The following XYLT1 variants were observed in gnomAD, a reference collection of about 807,000 sequenced individuals.
The protein encoded by XYLT1 is xylosyltransferase 1, also known as beta-D-xylosyltransferase 1.
A neutral mutation model predicts 91.3 loss-of-function variants in XYLT1; 36 were observed. The ratio of observed to expected loss-of-function variants is 0.39; its 90% CI spans 0.30 to 0.52. The LOEUF is 0.52. Ranked by LOEUF, XYLT1 falls within the 20% of genes least tolerant of loss-of-function variation. The probability of loss-of-function intolerance (pLI) is 0.68; values close to 1 mark genes in which losing one functional copy is unlikely to be tolerated. For missense variants in XYLT1, 1,242 were observed against 1,284.5 expected, an observed-to-expected ratio of 0.97 and a Z score of 0.51; for synonymous variants, 588 against 532.0, an observed-to-expected ratio of 1.11 and a Z score of -1.45.
chr16:17,245,754 C>T (rs1426183939), intron 3 of XYLT1, among the ~76,000 whole-genome samples: 1 of 152,202 alleles, frequency 6.6e-6, no homozygotes, highest in Non-Finnish European at 1.5e-5. Context: ...AATCCAATCT[C>T]TCATGGGTGA....
chr16:17,336,417 G>T lies in XYLT1; in HGVS notation c.402+21595C>A, dbSNP rs376215985. Among the ~76,000 whole-genome samples the T allele has an allele frequency of 4.3e-4, 66 of 152,276 alleles. 1 individual carries two copies. The South Asian group carries it at 6.4e-3, about 15-fold the overall frequency. On this transcript the variant is annotated intron_variant, in intron 2 of 11. Transcript: ENST00000261381. ...GTGAGTTCTGAATGCAGCTGTCCAC[G>T]GTCAGGGGAGATGGAGAGGAAAGAA...
intron 2 of XYLT1, among the ~76,000 whole-genome samples, chr16:17,269,185 T>C (rs1454072518): frequency 6.6e-6 from 1 of 152,022 alleles, no homozygotes; most frequent in Admixed American, 6.5e-5. Context: ...TTCTTTCTTT[T>C]TTATTTATTT....
intron 2 of XYLT1, among the ~76,000 whole-genome samples, chr16:17,349,727 A>C (rs1006680834): frequency 1.3e-4 from 19 of 151,422 alleles, no homozygotes; most frequent in Non-Finnish European, 2.6e-4. Flanking sequence ...AAATCCATGT[A>C]AAGAACTTAA....
chr16:17,366,556 G>T (rs116878209), intron 1 of XYLT1, among the ~76,000 whole-genome samples: 2 of 152,106 alleles, frequency 1.3e-5, no homozygotes, highest in Admixed American at 1.3e-4. Flanking sequence ...TTAGCTGGGC[G>T]TGTTGGTGCA....
chr16:17,376,581 C>T (rs1438485157), intron 1 of XYLT1, among the ~76,000 whole-genome samples: 3 of 152,192 alleles, frequency 2.0e-5, no homozygotes, highest in Non-Finnish European at 2.9e-5. Flanking sequence ...AATCCCAACA[C>T]TTTGAGAGGC....
chr16:17,228,007 T>G (rs2033096505), intron 3 of XYLT1: 1 of 152,220 alleles, frequency 6.6e-6, no homozygotes, highest in Non-Finnish European at 1.5e-5. Context: ...TGGTAGGTTA[T>G]TTTTCAGACC....
chr16:17,379,763 T>TCTTTCACACACACACA (rs373354877), intron 1 of XYLT1, among the ~76,000 whole-genome samples: 1 of 125,546 alleles, frequency 8.0e-6, no homozygotes, highest in African/African-American at 3.2e-5. Flanking sequence ...TCTCTCTCTC[T>TCTTTCACACACACACA]CACACACACA....
intron 6 of XYLT1, among the ~76,000 whole-genome samples, chr16:17,154,022 C>T (rs944037131): frequency 6.6e-6 from 1 of 152,102 alleles, no homozygotes; most frequent in African/African-American, 2.4e-5. Flanking sequence ...TAAGGTAAAG[C>T]GACTCTCAAA....
At chr16:17,223,091 T>C (rs1268536441) in intron 3 of XYLT1, among the ~76,000 whole-genome samples, 2 of 152,066 alleles carry the variant, frequency 1.3e-5, no homozygotes, top group Non-Finnish European at 2.9e-5. Context: ...TCTGTCTCTT[T>C]CGTGCAAGCC....
chr16:17,388,242 C>A (rs917238126), intron 1 of XYLT1, among the ~76,000 whole-genome samples: 7 of 152,170 alleles, frequency 4.6e-5, no homozygotes, highest in African/African-American at 1.7e-4. Context: ...TATCCAAATA[C>A]ATCGCTAGCC....
chr16:17,183,240 G>A (rs1032080891), intron 5 of XYLT1, among the ~76,000 whole-genome samples: 2 of 152,130 alleles, frequency 1.3e-5, no homozygotes, highest in Non-Finnish European at 2.9e-5. Context: ...CAGAAAGTGG[G>A]GGCAACTTGG....
At chr16:17,417,398 G>T (rs2036192658) in intron 1 of XYLT1, among the ~76,000 whole-genome samples, 2 of 152,048 alleles carry the variant, frequency 1.3e-5, no homozygotes, top group South Asian at 4.1e-4. Flanking sequence ...TTGCAGTCCT[G>T]CCCCAGGACC....
intron 1 of XYLT1, among the ~76,000 whole-genome samples, chr16:17,438,110 T>C (rs2036484306): frequency 6.6e-6 from 1 of 152,160 alleles, no homozygotes; most frequent in Admixed American, 6.5e-5. Context: ...CCAAAACCAC[T>C]AAGGGGCCCT....
At chr16:17,388,500 C>T (rs1295934090) in intron 1 of XYLT1, among the ~76,000 whole-genome samples, 1 of 152,160 alleles carries the variant, frequency 6.6e-6, no homozygotes, top group Non-Finnish European at 1.5e-5. Flanking sequence ...CCCATTCTGC[C>T]TGTCACCACC....
chr16:17,263,353 G>A (rs2033751519), intron 2 of XYLT1, among the ~76,000 whole-genome samples: 2 of 151,982 alleles, frequency 1.3e-5, no homozygotes, highest in Admixed American at 6.6e-5. Flanking sequence ...GTAATATCAG[G>A]AAGAGGCACC....
In XYLT1 at chr16:17,138,682, G is replaced by GTACAGCTTGCAGAAC. The variant is rs141635499; in HGVS notation, c.1588-166_1588-152dup. 5,307 of 823,076 alleles carry GTACAGCTTGCAGAAC rather than the reference G, an allele frequency of 6.4e-3. 214 individuals are homozygous for GTACAGCTTGCAGAAC. In the East Asian group the frequency reaches 0.075, roughly 12 times the overall value. 51.0% of individuals were successfully genotyped at this position (823,076 alleles called of 1,614,324 possible). ...CTCATCAGAAGCTGGGCGGCTTCCT[G>GTACAGCTTGCAGAAC]TACAGCTTGCAGAACTGCAAGCCAA... On this transcript the variant is annotated intron_variant, in intron 7 of 11. Coordinates refer to ENST00000261381, the MANE Select transcript of XYLT1 (RefSeq NM_022166.4).
intron 3 of XYLT1, among the ~76,000 whole-genome samples, chr16:17,222,611 G>A (rs936578292): frequency 4.0e-5 from 6 of 151,848 alleles, no homozygotes; most frequent in South Asian, 4.1e-4. Context: ...CCAAAATGAC[G>A]AAACCCCATC....
At chr16:17,362,919 C>A (rs564429933) in intron 1 of XYLT1, among the ~76,000 whole-genome samples, 1 of 152,214 alleles carries the variant, frequency 6.6e-6, no homozygotes, top group Non-Finnish European at 1.5e-5. Flanking sequence ...TTACATGCTA[C>A]CTTCTTCCAC....
chr16:17,340,268 G>A (rs1243994685), intron 2 of XYLT1, among the ~76,000 whole-genome samples: 1 of 152,174 alleles, frequency 6.6e-6, no homozygotes, highest in Non-Finnish European at 1.5e-5. Flanking sequence ...CCCTAAGAAG[G>A]AAAAGTGACT....
Sources: allele counts gnomAD v4.1 joint callset (sites outside exome capture counted in the v4.1 genomes callset), GRCh38; gene constraint gnomAD v4.1.1; transcripts MANE v1.5; gene names NCBI Gene and HGNC (gene_info 2026-07-23, HGNC 2026-07-21).